Variants in ZFPM2 observed in about 807,000 individuals in gnomAD.
The protein encoded by ZFPM2 is zinc finger protein, FOG family member 2, also known as zinc finger protein ZFPM2.
A neutral mutation model predicts 98.6 loss-of-function variants in ZFPM2; 20 were observed. The ratio of observed to expected loss-of-function variants is 0.20; its 90% CI spans 0.14 to 0.29. ZFPM2 has a LOEUF of 0.29. ZFPM2 is among the 10% of genes least tolerant of loss of function. The pLI, the probability that ZFPM2 is intolerant of heterozygous loss-of-function variation, is 1.00. For synonymous variants in ZFPM2, 518 were observed against 502.7 expected, an observed-to-expected ratio of 1.03 and a Z score of -0.41; for missense variants, 1,310 against 1,388.6, an observed-to-expected ratio of 0.94 and a Z score of 0.90.
At chr8:105,480,744 G>C (rs1157503660) in intron 3 of ZFPM2, among the ~76,000 whole-genome samples, 1 of 151,558 alleles carries the variant, frequency 6.6e-6, no homozygotes, top group Non-Finnish European at 1.5e-5. Context: ...ATGGCACTGT[G>C]GGATTACATT....
intron 5 of ZFPM2, among the ~76,000 whole-genome samples, chr8:105,681,403 G>A (rs1810597052): frequency 6.6e-6 from 1 of 152,068 alleles, no homozygotes; most frequent in South Asian, 2.1e-4. Flanking sequence ...ATTCTTTGTA[G>A]CAACACTTTT....
At chr8:105,418,066 A>G (rs1277555374) in intron 1 of ZFPM2, among the ~76,000 whole-genome samples, 1 of 152,146 alleles carries the variant, frequency 6.6e-6, no homozygotes, top group Admixed American at 6.6e-5. Context: ...CTACATATAT[A>G]TATAAATTGT....
At chr8:105,377,484 G>A (rs1810750296) in intron 1 of ZFPM2, among the ~76,000 whole-genome samples, 1 of 151,776 alleles carries the variant, frequency 6.6e-6, no homozygotes, top group Admixed American at 6.6e-5. Flanking sequence ...TGACTGGGCT[G>A]GGTGTGGTGG....
rs36124912 is a variant in ZFPM2, at chr8:105,377,607, C to CAAAAAAAAAA, written c.41-41520_41-41511dup. Among the ~76,000 whole-genome samples the CAAAAAAAAAA allele has an allele frequency of 7.2e-4, 46 of 63,876 alleles. 19 individuals are homozygous for CAAAAAAAAAA. The highest frequency in any genetic ancestry group is 1.4e-3 in the African/African-American group (23 of 16,590). The allele number at this position is 63,876 out of a possible 152,430, so 41.9% of individuals were successfully genotyped here. A position where few individuals can be genotyped will look rare whatever the true frequency, so the allele number is the denominator to read the frequency against. On this transcript the variant is annotated intron_variant, in intron 1 of 7. Coordinates refer to ENST00000407775, the MANE Select transcript of ZFPM2 (RefSeq NM_012082.4). ...CAAAACCCCGTTTTTCTTAAAAATC[C>CAAAAAAAAAA]AAAAAAAAAAAAAAAAAAAAAAAAA...
intron 1 of ZFPM2, among the ~76,000 whole-genome samples, chr8:105,355,178 C>A (rs1812717824): frequency 1.3e-5 from 2 of 152,052 alleles, no homozygotes; most frequent in Non-Finnish European, 2.9e-5. Flanking sequence ...TTGTTGCATT[C>A]CTACTATGCT....
At chr8:105,797,250 A>T (rs1813857336) in intron 6 of ZFPM2, 1 of 152,178 alleles carries the variant, frequency 6.6e-6, no homozygotes, top group Non-Finnish European at 1.5e-5. Flanking sequence ...GGGGGAAAAA[A>T]CACACGTGAA....
At chr8:105,359,289 C>G (rs1446888219) in intron 1 of ZFPM2, among the ~76,000 whole-genome samples, 1 of 152,094 alleles carries the variant, frequency 6.6e-6, no homozygotes, top group Non-Finnish European at 1.5e-5. Flanking sequence ...CCATGCAGAA[C>G]TGTGAGTCAA....
chr8:105,668,124 CAGAT>C (rs1393027409), intron 5 of ZFPM2, among the ~76,000 whole-genome samples: 2 of 152,216 alleles, frequency 1.3e-5, no homozygotes, highest in African/African-American at 4.8e-5. Context: ...AAGCCCTAGA[CAGAT>C]AGGCCATTGG....
At chr8:105,326,656 CTAATA>C (rs1329166516) in intron 1 of ZFPM2, among the ~76,000 whole-genome samples, 3 of 151,566 alleles carry the variant, frequency 2.0e-5, no homozygotes, top group Non-Finnish European at 4.4e-5. Flanking sequence ...ATAAGAGACA[CTAATA>C]TAATAGTTAA....
chr8:105,794,770 C>T (rs1813739133), intron 6 of ZFPM2, among the ~76,000 whole-genome samples: 1 of 152,220 alleles, frequency 6.6e-6, no homozygotes, highest in African/African-American at 2.4e-5. Flanking sequence ...TTTACCTAAG[C>T]AAGCCTGGGC....
intron 3 of ZFPM2, among the ~76,000 whole-genome samples, chr8:105,508,978 C>T (rs1813759238): frequency 6.6e-6 from 1 of 151,894 alleles, no homozygotes; most frequent in African/African-American, 2.4e-5. Flanking sequence ...GTGTGATGGG[C>T]CCCATTTACA....
intron 3 of ZFPM2, among the ~76,000 whole-genome samples, chr8:105,557,038 T>C (rs1416481279): frequency 6.6e-6 from 1 of 152,122 alleles, no homozygotes; most frequent in Non-Finnish European, 1.5e-5. Context: ...GTTCTTTTCT[T>C]ACTTTCATAA....
intron 5 of ZFPM2, among the ~76,000 whole-genome samples, chr8:105,766,155 G>C (rs1403270740): frequency 2.5e-4 from 38 of 152,006 alleles, no homozygotes; most frequent in Non-Finnish European, 1.5e-5. Context: ...AGTCTAAGCT[G>C]TAGATAGAAA....
chr8:105,760,908 A>G (rs1812720023), intron 5 of ZFPM2, among the ~76,000 whole-genome samples: 1 of 152,072 alleles, frequency 6.6e-6, no homozygotes. Context: ...GTATATTTAT[A>G]TACAATCCTT....
intron 5 of ZFPM2, chr8:105,669,995 T>C (rs1817558521): frequency 6.6e-6 from 1 of 152,142 alleles, no homozygotes. Flanking sequence ...GAGAAGTCAG[T>C]GGTGACATTA....
chr8:105,540,627 C>T (rs1487274340), intron 3 of ZFPM2, among the ~76,000 whole-genome samples: 1 of 152,040 alleles, frequency 6.6e-6, no homozygotes, highest in Non-Finnish European at 1.5e-5. Context: ...TTTGGAGACC[C>T]TGTTTTAAAA....
intron 5 of ZFPM2, among the ~76,000 whole-genome samples, chr8:105,657,284 G>A (rs1456048809): frequency 3.3e-5 from 5 of 151,936 alleles, no homozygotes; most frequent in Non-Finnish European, 5.9e-5. Context: ...GACTAGAGGC[G>A]CCTGCCACCA....
At chr8:105,618,261 G>T (rs1390000940) in intron 4 of ZFPM2, among the ~76,000 whole-genome samples, 1 of 152,064 alleles carries the variant, frequency 6.6e-6, no homozygotes, top group Non-Finnish European at 1.5e-5. Context: ...ACCATAGAAA[G>T]AATTATGTTT....
chr8:105,534,458 C>CCTCTCTTCCTTCCTTT (rs1814407522), intron 3 of ZFPM2, among the ~76,000 whole-genome samples: 1 of 147,232 alleles, frequency 6.8e-6, no homozygotes, highest in African/African-American at 2.6e-5. Context: ...TTCCTTCCTT[C>CCTCTCTTCCTTCCTTT]CTTCCTCCCT....
Sources: gnomAD v4.1 joint callset for allele counts (sites outside exome capture counted in the v4.1 genomes callset) on GRCh38, gnomAD v4.1.1 for gene constraint, MANE v1.5 for transcripts, NCBI Gene and HGNC (gene_info 2026-07-23, HGNC 2026-07-21) for gene names.